Variants in MALRD1 observed in about 807,000 individuals in gnomAD.
MALRD1 encodes the protein MAM and LDL receptor class A domain containing 1.
MALRD1 carries 247 observed loss-of-function variants against 242.1 expected under a neutral mutation model. That is an observed-to-expected ratio of 1.02 (90% CI 0.92 to 1.13). The LOEUF is 1.13. Among genes scored for constraint, MALRD1 ranks in the 50% most tolerant of loss-of-function variants. MALRD1 has a pLI of 0.00. For missense variants in MALRD1, 2,989 were observed against 2,533.1 expected, an observed-to-expected ratio of 1.18 and a Z score of -3.86; for synonymous variants, 995 against 866.6, an observed-to-expected ratio of 1.15 and a Z score of -2.60.
chr10:19,407,063 G>A (rs577720002), intron 28 of MALRD1, among the ~76,000 whole-genome samples: 1 of 152,166 alleles, frequency 6.6e-6, no homozygotes, highest in Non-Finnish European at 1.5e-5. Context: ...CTTTAGTCTT[G>A]ACTCTACTCC....
chr10:19,585,787 G>A (rs556064349), intron 33 of MALRD1, among the ~76,000 whole-genome samples: 4 of 152,146 alleles, frequency 2.6e-5, no homozygotes, highest in African/African-American at 7.2e-5. Context: ...TGCTAGATTG[G>A]GGAAGTTCTC....
chr10:19,119,945 CA>C (rs1486833570), intron 5 of MALRD1, among the ~76,000 whole-genome samples: 1 of 152,060 alleles, frequency 6.6e-6, no homozygotes, highest in African/African-American at 2.4e-5. Context: ...CATACTTTTG[CA>C]AAGGCGGTTT....
At chr10:19,718,755 T>C (rs1225494093) in intron 38 of MALRD1, among the ~76,000 whole-genome samples, 2 of 152,184 alleles carry the variant, frequency 1.3e-5, no homozygotes, top group African/African-American at 4.8e-5. Context: ...ACATTGAGCT[T>C]GCATCTAATT....
intron 21 of MALRD1, among the ~76,000 whole-genome samples, chr10:19,321,697 T>C (rs1243693105): frequency 6.6e-6 from 1 of 152,182 alleles, no homozygotes; most frequent in Non-Finnish European, 1.5e-5. Flanking sequence ...ATAGTCACTC[T>C]ACTGATTTAT....
intron 18 of MALRD1, among the ~76,000 whole-genome samples, chr10:19,213,025 CTGCAGCT>C (rs1242782358): frequency 6.6e-6 from 1 of 152,108 alleles, no homozygotes; most frequent in Admixed American, 6.6e-5. Flanking sequence ...TTCTCCCAGC[CTGCAGCT>C]TGCCTTTTCA....
rs60592186 is a variant in MALRD1 at position 19,125,378 on chromosome 10, TTTCCTTCC to T, written c.943+725_943+732del. ...CTTTCTTTCTTTCTTTCTTTCTTTC[TTTCCTTCC>T]TTCCTTCCTTCCTTCCATCCATGCT... On this transcript the variant is annotated intron_variant, in intron 7 of 39. Transcript: ENST00000454679. Among the ~76,000 whole-genome samples the T allele has an allele frequency of 3.1e-3, 270 of 87,802 alleles. 3 individuals are homozygous for T. The highest frequency in any genetic ancestry group is 4.1e-3 in the Non-Finnish European group (184 of 45,346). The allele number at this position is 87,802 out of a possible 152,430, so 57.6% of individuals were successfully genotyped here.
At chr10:19,730,382 T>C (rs1456338464) in intron 38 of MALRD1, among the ~76,000 whole-genome samples, 1 of 152,164 alleles carries the variant, frequency 6.6e-6, no homozygotes, top group African/African-American at 2.4e-5. Context: ...TTGTTCTTTC[T>C]AATGTTGGAC....
At chr10:19,339,776 A>G (rs1843760752) in intron 24 of MALRD1, among the ~76,000 whole-genome samples, 1 of 152,140 alleles carries the variant, frequency 6.6e-6, no homozygotes, top group Non-Finnish European at 1.5e-5. Context: ...TTGTAGGTAC[A>G]TAGTATGTGT....
chr10:19,443,473 C>T (rs1375818032), intron 28 of MALRD1, among the ~76,000 whole-genome samples: 1 of 152,088 alleles, frequency 6.6e-6, no homozygotes, highest in Non-Finnish European at 1.5e-5. Context: ...TATAAATTTC[C>T]CTCTACACAC....
At chr10:19,589,580 G>A (rs1837652159) in intron 33 of MALRD1, among the ~76,000 whole-genome samples, 9 of 152,082 alleles carry the variant, frequency 5.9e-5, no homozygotes, top group Admixed American at 5.9e-4. Context: ...CCCAGCATTA[G>A]GTCTGTATAA....
At chr10:19,566,298 A>ATTTTTTTT (rs10548629) in intron 32 of MALRD1, among the ~76,000 whole-genome samples, 1,793 of 110,826 alleles carry the variant, frequency 0.016, no homozygotes, top group Middle Eastern at 0.024. Context: ...TGCCTGGCTA[A>ATTTTTTTT]TTTTTTTTTT....
intron 12 of MALRD1, among the ~76,000 whole-genome samples, chr10:19,162,030 G>C (rs1045908149): frequency 6.8e-6 from 1 of 146,662 alleles, no homozygotes; most frequent in East Asian, 2.0e-4. Context: ...TCTGTCTCAA[G>C]AACAACAACA....
In MALRD1 at chr10:19,567,511, A is replaced by G. The variant is rs541482966; in HGVS notation, c.5488A>G (p.Ile1830Val). ...RSMGILKVYT[I>V]EESGLNILVW... ...TTAATGATTTTTAAAGGTGTATACCATTGAAGAATCGGGGCTAAACATCCT... is the reference window on the plus strand; with the variant it reads ...TTAATGATTTTTAAAGGTGTATACCGTTGAAGAATCGGGGCTAAACATCCT... The change falls in exon 33 of 40, where the codon ATT becomes GTT. Residue 1830 changes from isoleucine to valine, a missense_variant. Transcript: ENST00000454679. 2 of 1,550,386 alleles carry G rather than the reference A, an allele frequency of 1.3e-6. No individual in the cohort carries two copies. Among genetic ancestry groups the G allele is most frequent in the Admixed American group, 2.0e-5 (1 of 50,994 alleles).
Position 19,347,894 on chromosome 10 carries a change from C to T in MALRD1, c.4025C>T (p.Ala1342Val). Residue 1342 changes from alanine (A) to valine (V), a missense_variant, in exon 25 of 40, where the codon GCA becomes GTA. Coordinates refer to ENST00000454679, the MANE Select transcript of MALRD1 (RefSeq NM_001142308.3). Reference sequence around the variant, plus strand: ...CCTGCAGCAGGCACAGAGCCAGCAGCAGATCACACTTTGGGAAATTCATCT... The same window carrying T: ...CCTGCAGCAGGCACAGAGCCAGCAGTAGATCACACTTTGGGAAATTCATCT... ...SIPAAGTEPA[A>V]DHTLGNSSGH... The T allele has an allele frequency of 6.5e-7, 1 of 1,550,350 alleles. No individual in the cohort carries two copies. The highest frequency in any genetic ancestry group is 8.7e-7 in the Non-Finnish European group (1 of 1,146,842).
At chr10:19,481,082 T>A (rs1836975706) in intron 29 of MALRD1, among the ~76,000 whole-genome samples, 1 of 152,216 alleles carries the variant, frequency 6.6e-6, no homozygotes, top group African/African-American at 2.4e-5. Context: ...AGTCATCTTT[T>A]TATTTAAAAT....
At chr10:19,084,967 A>G (rs1465426261) in intron 2 of MALRD1, among the ~76,000 whole-genome samples, 2 of 152,028 alleles carry the variant, frequency 1.3e-5, no homozygotes, top group Non-Finnish European at 2.9e-5. Context: ...CAACGTGGGA[A>G]TTTAAGTATC....
chr10:19,135,907 A>G (rs946903787), intron 9 of MALRD1, among the ~76,000 whole-genome samples: 6 of 152,228 alleles, frequency 3.9e-5, no homozygotes, highest in Admixed American at 1.3e-4. Flanking sequence ...TTCATTTGCT[A>G]ATATTGCTTA....
At chr10:19,137,739 C>A (rs1384671837) in intron 10 of MALRD1, among the ~76,000 whole-genome samples, 1 of 151,972 alleles carries the variant, frequency 6.6e-6, no homozygotes, top group Non-Finnish European at 1.5e-5. Flanking sequence ...CAAGAGATCC[C>A]ATTACTATTC....
At chr10:19,703,113 A>G (rs1386046800) in intron 38 of MALRD1, among the ~76,000 whole-genome samples, 4 of 152,198 alleles carry the variant, frequency 2.6e-5, no homozygotes, top group Non-Finnish European at 4.4e-5. Context: ...AAGCAACTCA[A>G]GATGATTTGA....
Sources: allele counts gnomAD v4.1 joint callset (sites outside exome capture counted in the v4.1 genomes callset), GRCh38; gene constraint gnomAD v4.1.1; transcripts MANE v1.5; gene names NCBI Gene and HGNC (gene_info 2026-07-23, HGNC 2026-07-21).